The following EIF3H variants were observed in gnomAD, a reference collection of about 807,000 sequenced individuals.
The protein encoded by EIF3H is eIF-3-gamma.
EIF3H carries 26 observed loss-of-function variants against 44.2 expected under a neutral mutation model. The ratio of observed to expected loss-of-function variants is 0.59; its 90% CI spans 0.43 to 0.82. EIF3H has a LOEUF of 0.82. Ranked by LOEUF, EIF3H falls within the 40% of genes least tolerant of loss-of-function variation. EIF3H has a pLI of 0.00. For synonymous variants in EIF3H, 166 were observed against 151.9 expected (o/e 1.09, Z -0.68); for missense variants, 359 against 432.8 (o/e 0.83, Z 1.51).
chr8:116,673,689 T>G (rs574407443), intron 2 of EIF3H, among the ~76,000 whole-genome samples: 17 of 152,176 alleles, frequency 1.1e-4, no homozygotes, highest in Non-Finnish European at 1.9e-4. Context: ...CGAAGATTCA[T>G]GCAAGCATCT....
chr8:116,665,319 A>G (rs954265136), intron 2 of EIF3H, among the ~76,000 whole-genome samples: 4 of 152,340 alleles, frequency 2.6e-5, no homozygotes, highest in Admixed American at 6.5e-5. Flanking sequence ...TAAATACTAC[A>G]GTTGATAATT....
chr8:116,699,809 TTTG>T (rs891032190), intron 2 of EIF3H, among the ~76,000 whole-genome samples: 9 of 147,680 alleles, frequency 6.1e-5, no homozygotes, highest in Non-Finnish European at 1.2e-4. Context: ...TTTGGTTTTT[TTTG>T]TTTGTTTGTT....
chr8:116,718,402 A>G (rs1353059896), intron 2 of EIF3H, among the ~76,000 whole-genome samples: 3 of 152,216 alleles, frequency 2.0e-5, no homozygotes, highest in Non-Finnish European at 4.4e-5. Flanking sequence ...ACTATACAAC[A>G]AAGATACTTG....
At chr8:116,653,378 GTAC>G (rs1813430379) in intron 5 of EIF3H, among the ~76,000 whole-genome samples, 1 of 29,480 alleles carries the variant, frequency 3.4e-5, no homozygotes, top group African/African-American at 2.1e-4. Flanking sequence ...CACAATCTGT[GTAC>G]TACAGGCCTT....
chr8:116,728,721 C>G (rs779055604), intron 1 of EIF3H, among the ~76,000 whole-genome samples: 52 of 152,060 alleles, frequency 3.4e-4, no homozygotes, highest in Admixed American at 7.9e-4. Flanking sequence ...TTGAAAGGCA[C>G]AAAAATGGAC....
intron 2 of EIF3H, among the ~76,000 whole-genome samples, chr8:116,715,571 T>C (rs762203345): frequency 9.2e-5 from 14 of 152,016 alleles, no homozygotes; most frequent in South Asian, 2.1e-4. Context: ...AAATTAAAAA[T>C]TGGCCACTCC....
chr8:116,723,043 T>G (rs960885114), intron 2 of EIF3H, among the ~76,000 whole-genome samples: 1 of 152,190 alleles, frequency 6.6e-6, no homozygotes, highest in South Asian at 2.1e-4. Context: ...TTTGTTTCGT[T>G]CGCCTACCAT....
intron 2 of EIF3H, among the ~76,000 whole-genome samples, chr8:116,669,573 T>C (rs951178600): frequency 2.0e-5 from 3 of 152,188 alleles, no homozygotes; most frequent in African/African-American, 7.2e-5. Context: ...TCATACACCA[T>C]GTATTGCTTA....
rs186250537 is a variant in EIF3H at position 116,737,548 on chromosome 8, C to T, written c.133-11376G>A. On this transcript the variant is annotated intron_variant, in intron 1 of 7. Transcript: ENST00000521861. ...GCTGGCACCTGTAACCCCAGCTACT[C>T]GGGAGGCTGAATGCAGGAGAATCAC... is the stretch of plus-strand genomic sequence containing the variant. Among the ~76,000 whole-genome samples, 896 of 151,904 alleles carry T rather than the reference C, an allele frequency of 5.9e-3. 6 individuals carry two copies. Among genetic ancestry groups the T allele is most frequent in the African/African-American group, 0.02 (823 of 41,404 alleles).
intron 2 of EIF3H, among the ~76,000 whole-genome samples, chr8:116,670,094 C>A (rs1323277357): frequency 6.6e-6 from 1 of 152,208 alleles, no homozygotes; most frequent in Non-Finnish European, 1.5e-5. Context: ...ACCCAGGAAT[C>A]CTTATCCTGG....
chr8:116,710,708 T>C (rs1004648210), intron 2 of EIF3H, among the ~76,000 whole-genome samples: 1 of 152,232 alleles, frequency 6.6e-6, no homozygotes, highest in African/African-American at 2.4e-5. Context: ...CTGGAATTAC[T>C]GCCACCTCCC....
chr8:116,755,513 C>A (rs1410298264), intron 1 of EIF3H, among the ~76,000 whole-genome samples, 153 bp downstream of exon 1: 1 of 152,152 alleles, frequency 6.6e-6, no homozygotes, highest in Admixed American at 6.5e-5. Context: ...AGCTCCTGAA[C>A]AAAAAGTGAA....
At chr8:116,704,665 T>C (rs1199101713) in intron 2 of EIF3H, among the ~76,000 whole-genome samples, 5 of 152,188 alleles carry the variant, frequency 3.3e-5, no homozygotes, top group Non-Finnish European at 7.3e-5. Flanking sequence ...CAGATAAACG[T>C]TGAAGAACAA....
At chr8:116,667,878 T>C (rs1007592398) in intron 2 of EIF3H, among the ~76,000 whole-genome samples, 2 of 152,172 alleles carry the variant, frequency 1.3e-5, no homozygotes, top group East Asian at 1.9e-4. Flanking sequence ...TTTCCTCACC[T>C]AGAAAATAAT....
At chr8:116,744,570 C>T (rs1815200592) in intron 1 of EIF3H, among the ~76,000 whole-genome samples, 1 of 152,144 alleles carries the variant, frequency 6.6e-6, no homozygotes, top group Admixed American at 6.5e-5. Context: ...GTAAATTACA[C>T]TACACTTTGC....
chr8:116,683,213 G>A (rs1293814587), intron 2 of EIF3H, among the ~76,000 whole-genome samples: 1 of 152,186 alleles, frequency 6.6e-6, no homozygotes, highest in East Asian at 1.9e-4. Flanking sequence ...TTTCACTTGT[G>A]TATTGCTCTG....
At chr8:116,752,673 A>AAAGAAAGAAAGAAAGG (rs1815362066) in intron 1 of EIF3H, among the ~76,000 whole-genome samples, 1 of 39,324 alleles carries the variant, frequency 2.5e-5, no homozygotes, top group Non-Finnish European at 6.0e-5. Context: ...ATGAAGAAAG[A>AAAGAAAGAAAGAAAGG]AAGAAAGAAA....
intron 6 of EIF3H, 58 bp from the exon 7 acceptor site, chr8:116,646,661 G>A: frequency 1.3e-6 from 2 of 1,596,672 alleles, no homozygotes; most frequent in Non-Finnish European, 1.7e-6. Context: ...AGGAAAAAAA[G>A]ATGTCCTTCC....
chr8:116,668,640 C>A (rs1813704955), intron 2 of EIF3H, among the ~76,000 whole-genome samples: 1 of 152,102 alleles, frequency 6.6e-6, no homozygotes, highest in Admixed American at 6.5e-5. Context: ...AACATCTTTA[C>A]CACACATTAA....
Sources: allele counts gnomAD v4.1 joint callset (sites outside exome capture counted in the v4.1 genomes callset), GRCh38; gene constraint gnomAD v4.1.1; transcripts MANE v1.5; gene names NCBI Gene and HGNC (gene_info 2026-07-23, HGNC 2026-07-21).